CRHBP: variants seen among roughly 807,000 people sequenced by gnomAD.
CRHBP encodes corticotropin-releasing hormone-binding protein.
A neutral mutation model predicts 34.9 loss-of-function variants in CRHBP; 19 were observed. The ratio of observed to expected loss-of-function variants is 0.55; its 90% CI spans 0.38 to 0.80. The LOEUF (loss-of-function observed/expected upper bound fraction) is 0.80. Among genes scored for constraint, CRHBP ranks in the 30% least tolerant of loss-of-function variants. The pLI, the probability that CRHBP is intolerant of heterozygous loss-of-function variation, is 0.00. For missense variants in CRHBP, 328 were observed against 409.2 expected (o/e 0.80, Z 1.71); for synonymous variants, 154 against 153.4 (o/e 1.00, Z -0.03).
intron 1 of CRHBP, 96 bp downstream of exon 1, chr5:76,953,311 T>C (rs1215702616): frequency 5.2e-6 from 6 of 1,161,524 alleles, no homozygotes; most frequent in African/African-American, 1.5e-5. Context: ...TGGGGTTCGC[T>C]GTTTCTTCCC....
At chr5:76,959,297 A>C (rs1463525267) in intron 5 of CRHBP, among the ~76,000 whole-genome samples, 15 of 152,244 alleles carry the variant, frequency 9.9e-5, no homozygotes, top group Admixed American at 9.8e-4. Context: ...GAAGTATCTC[A>C]TTGACAGAAC....
intron 5 of CRHBP, among the ~76,000 whole-genome samples, chr5:76,961,889 G>T (rs750636957): frequency 5.3e-5 from 8 of 152,162 alleles, no homozygotes; most frequent in Non-Finnish European, 1.0e-4. Context: ...GAGTAGCTGG[G>T]ACTACAGGTG....
intron 5 of CRHBP, 77 bp downstream of exon 5, chr5:76,958,966 A>G: frequency 1.4e-6 from 2 of 1,474,470 alleles, no homozygotes; most frequent in South Asian, 2.6e-5. Flanking sequence ...TATAGGGAAA[A>G]CCTGGACACT....
At chr5:76,967,306 T>C (rs1745874928) in intron 6 of CRHBP, among the ~76,000 whole-genome samples, 1 of 152,198 alleles carries the variant, frequency 6.6e-6, no homozygotes, top group Admixed American at 6.5e-5. Flanking sequence ...TTAACTAGAC[T>C]ACCTGGTACT....
intron 2 of CRHBP, 50 bp from the exon 3 acceptor site, chr5:76,953,979 C>T (rs768444167): frequency 1.7e-4 from 264 of 1,560,060 alleles, no homozygotes; most frequent in Non-Finnish European, 2.2e-4. Context: ...GAGGACGGCG[C>T]TGCGGCGGCT....
downstream of CRHBP, chr5:76,969,520 C>G (rs562035114): frequency 6.6e-6 from 1 of 152,578 alleles, no homozygotes; most frequent in African/African-American, 2.4e-5. Context: ...TTCTTGTTAC[C>G]ATCAGAAAAT....
chr5:76,979,962 G>A (rs1329620784), intron 3 of CRHBP, among the ~76,000 whole-genome samples: 1 of 152,052 alleles, frequency 6.6e-6, no homozygotes, highest in South Asian at 2.1e-4. Context: ...TTAGAAAGCA[G>A]TGGGGCCGGC....
chr5:76,973,803 C>G (rs1055512256), downstream of CRHBP, among the ~76,000 whole-genome samples: 1 of 93,560 alleles, frequency 1.1e-5, no homozygotes, highest in African/African-American at 5.8e-5. Flanking sequence ...ACTTCTCTTG[C>G]TTGCTATTTT....
chr5:76,968,775 A>G lies in CRHBP; in HGVS notation c.859A>G (p.Ser287Gly), dbSNP rs1452015011. Residue 287 changes from serine (S) to glycine (G), a missense_variant, in exon 7 of 7, where the codon AGT becomes GGT. Physicochemically the swap from Ser to Gly is moderately conservative, Grantham distance 56. Coordinates refer to ENST00000274368, the MANE Select transcript of CRHBP (RefSeq NM_001882.4). ...CAACACTGTGGTGCGCATGGTCTCC[A>G]GTGGAAAACACGTAAATCGTGTGAC... ...CDNTVVRMVS[S>G]GKHVNRVTFE... is the part of the protein sequence containing the mutation. 11 of 1,614,196 alleles carry G rather than the reference A, an allele frequency of 6.8e-6. No individual in the cohort carries two copies. The highest frequency in any genetic ancestry group is 9.3e-6 in the Non-Finnish European group (11 of 1,180,008).
intron 1 of CRHBP, 119 bp from the exon 2 acceptor site, chr5:76,953,482 A>C: frequency 9.1e-7 from 1 of 1,094,848 alleles, no homozygotes; most frequent in South Asian, 1.3e-5. Flanking sequence ...GACACGGGAA[A>C]ACATTACCCC....
rs992435746 is a variant in CRHBP at position 76,954,026 on chromosome 5, C to A, written c.176-3C>A. On this transcript the variant is annotated splice_region_variant and splice_polypyrimidine_tract_variant and intron_variant, in intron 2 of 6. Coordinates refer to ENST00000274368, the MANE Select transcript of CRHBP (RefSeq NM_001882.4). ...CTTATTGCCCCATGCCCTCCTCCCCCAGGGTGCCTGGACATGCTGAGCCTC... is the reference window on the plus strand; with the variant it reads ...CTTATTGCCCCATGCCCTCCTCCCCAAGGGTGCCTGGACATGCTGAGCCTC... 3 of 1,611,528 alleles carry A rather than the reference C, an allele frequency of 1.9e-6. No individual in the cohort carries two copies. The highest frequency in any genetic ancestry group is 1.1e-5 in the South Asian group (1 of 90,818).
chr5:76,967,753 C>T (rs1270811775), intron 6 of CRHBP, among the ~76,000 whole-genome samples: 1 of 150,334 alleles, frequency 6.7e-6, no homozygotes, highest in East Asian at 1.9e-4. Context: ...GGCTGGGGTG[C>T]AGTGGTGTGA....
chr5:76,966,593 C>T (rs1306504689), intron 6 of CRHBP, among the ~76,000 whole-genome samples: 1 of 152,104 alleles, frequency 6.6e-6, no homozygotes, highest in Non-Finnish European at 1.5e-5. Flanking sequence ...TTCCCTGCCC[C>T]CAGACCCAGG....
At position 76,953,660 on chromosome 5, in the gene CRHBP, G is replaced by C. The variant is rs765719199; in HGVS notation, c.141G>C (p.Glu47Asp). 2 of 1,610,326 alleles carry C rather than the reference G, an allele frequency of 1.2e-6. No individual in the cohort carries two copies. Among genetic ancestry groups the C allele is most frequent in the Admixed American group, 1.7e-5 (1 of 59,790 alleles). ...TCTTCAGCGCCAACCTGAAGCGGGA[G>C]CTGGCTGGGGAGCAGCCGTACCGCC... ...FLLFSANLKR[E>D]LAGEQPYRRA... The change falls in exon 2 of 7, where the codon GAG (glutamate) becomes GAC (aspartate). Residue 47 changes from glutamate to aspartate, a missense_variant. Glu to Asp is a conservative substitution (Grantham distance 45). This residue lies in a region of CRHBP where 173 missense variants were observed against 172.2 expected (regional missense o/e 1.00). Coordinates refer to ENST00000274368, the MANE Select transcript of CRHBP (RefSeq NM_001882.4).
At chr5:76,970,643 T>A (rs1286311475), downstream of CRHBP, among the ~76,000 whole-genome samples, 1 of 152,180 alleles carries the variant, frequency 6.6e-6, no homozygotes, top group East Asian at 1.9e-4. Context: ...GGTTGAACCC[T>A]TTTCTTAAAA....
At chr5:76,975,815 A>ATATATATATATAT (rs1746015976) in intron 2 of CRHBP, among the ~76,000 whole-genome samples, 1 of 86,136 alleles carries the variant, frequency 1.2e-5, no homozygotes, top group African/African-American at 7.3e-5. Context: ...AAAAAAAAAA[A>ATATATATATATAT]AAAAAAAAAA....
At chr5:76,961,348 C>A (rs2150707110) in intron 5 of CRHBP, among the ~76,000 whole-genome samples, 1 of 152,302 alleles carries the variant, frequency 6.6e-6, no homozygotes, top group Middle Eastern at 3.4e-3. Flanking sequence ...ACTTCTCTCT[C>A]CTGAGTCTGC....
chr5:76,960,396 G>A (rs1745757456), intron 5 of CRHBP, among the ~76,000 whole-genome samples: 1 of 152,150 alleles, frequency 6.6e-6, no homozygotes, highest in Admixed American at 6.5e-5. Flanking sequence ...GAGATGGGCA[G>A]GGCCAGAGTG....
downstream of CRHBP, among the ~76,000 whole-genome samples, chr5:76,969,989 C>G (rs898134570): frequency 2.4e-5 from 3 of 124,538 alleles, no homozygotes; most frequent in African/African-American, 9.8e-5. Flanking sequence ...GCTCTGTCAC[C>G]TAGGCTGGAG....
Sources: allele counts gnomAD v4.1 joint callset (sites outside exome capture counted in the v4.1 genomes callset), GRCh38; gene constraint gnomAD v4.1.1; regional missense constraint gnomAD v4.1.1; transcripts MANE v1.5; gene names NCBI Gene and HGNC (gene_info 2026-07-23, HGNC 2026-07-21).